Variants in SOX5 observed in about 807,000 individuals in gnomAD.
SOX5 encodes SRY-box transcription factor 5.
In SOX5, 9 loss-of-function variants were observed where a neutral mutation model predicts 92.0. The ratio of observed to expected loss-of-function variants is 0.10; its 90% CI spans 0.06 to 0.17. The LOEUF (loss-of-function observed/expected upper bound fraction) is 0.17, where lower values mean the gene tolerates loss of function less well. SOX5 is among the 10% of genes least tolerant of loss of function. SOX5 has a pLI of 1.00. For missense variants in SOX5, 642 were observed against 944.5 expected (o/e 0.68, Z 4.20); for synonymous variants, 344 against 336.3 (o/e 1.02, Z -0.25).
At chr12:23,695,194 T>G (rs75778613) in intron 6 of SOX5, among the ~76,000 whole-genome samples, 5,352 of 152,134 alleles carry the variant, frequency 0.035, 246 homozygotes, top group African/African-American at 0.1. Context: ...CACTGATCTG[T>G]ACATTTGTCA....
At chr12:23,610,984 C>T (rs2075881676) in intron 8 of SOX5, among the ~76,000 whole-genome samples, 1 of 152,082 alleles carries the variant, frequency 6.6e-6, no homozygotes, top group Non-Finnish European at 1.5e-5. Context: ...TAAATATACA[C>T]AATTTACTTG....
chr12:23,801,996 A>T (rs1010466862), intron 3 of SOX5, among the ~76,000 whole-genome samples: 3 of 152,184 alleles, frequency 2.0e-5, no homozygotes, highest in African/African-American at 7.2e-5. Context: ...AATGCATGCT[A>T]CAATTATAGA....
At chr12:23,849,240 C>T (rs1470995532) in intron 2 of SOX5, among the ~76,000 whole-genome samples, 6 of 152,150 alleles carry the variant, frequency 3.9e-5, no homozygotes. Context: ...ATTATGCTTA[C>T]TTATTGGCCT....
intron 3 of SOX5, among the ~76,000 whole-genome samples, chr12:24,241,783 C>T (rs1282340773): frequency 6.6e-6 from 1 of 152,102 alleles, no homozygotes; most frequent in East Asian, 1.9e-4. Flanking sequence ...TATCGATATT[C>T]TGGATTTCCC....
At chr12:24,485,936 T>C (rs1206641979) in intron 1 of SOX5, among the ~76,000 whole-genome samples, 1 of 152,008 alleles carries the variant, frequency 6.6e-6, no homozygotes, top group Non-Finnish European at 1.5e-5. Context: ...CCAATCCATA[T>C]ACCTTTCTGT....
At chr12:23,616,696 G>A (rs957261062) in intron 8 of SOX5, among the ~76,000 whole-genome samples, 2 of 152,224 alleles carry the variant, frequency 1.3e-5, no homozygotes, top group African/African-American at 4.8e-5. Flanking sequence ...CAGCTGTTAT[G>A]TCAGTGGAGC....
chr12:24,086,195 A>C (rs1224562124), intron 4 of SOX5, among the ~76,000 whole-genome samples: 1 of 149,040 alleles, frequency 6.7e-6, no homozygotes, highest in Non-Finnish European at 1.5e-5. Flanking sequence ...AATGCAGTAC[A>C]TTTTTTTTTT....
intron 4 of SOX5, among the ~76,000 whole-genome samples, chr12:24,108,144 G>A (rs1946895363): frequency 6.6e-6 from 1 of 152,144 alleles, no homozygotes; most frequent in Non-Finnish European, 1.5e-5. Flanking sequence ...TGTGTAAGTT[G>A]CATTACATTA....
chr12:23,939,088 AAAT>A (rs1389198423), intron 1 of SOX5, among the ~76,000 whole-genome samples: 1 of 151,024 alleles, frequency 6.6e-6, no homozygotes, highest in Non-Finnish European at 1.5e-5. Flanking sequence ...ATTGGGGGAT[AAAT>A]AATTTTATAT....
chr12:24,311,471 T>G (rs1360118396), intron 2 of SOX5, among the ~76,000 whole-genome samples: 2 of 152,146 alleles, frequency 1.3e-5, no homozygotes, highest in African/African-American at 2.4e-5. Context: ...ATGTACCAAG[T>G]TTGTTGAACT....
intron 1 of SOX5, among the ~76,000 whole-genome samples, chr12:24,559,938 A>G (rs891846249): frequency 2.0e-5 from 3 of 152,210 alleles, no homozygotes; most frequent in Admixed American, 1.3e-4. Flanking sequence ...TGAATTCTAT[A>G]TACAACATGC....
chr12:24,158,259 T>G (rs1442569189), intron 4 of SOX5, among the ~76,000 whole-genome samples: 1 of 152,088 alleles, frequency 6.6e-6, no homozygotes, highest in Non-Finnish European at 1.5e-5. Flanking sequence ...TAAAAATGTT[T>G]ATTTAATAAA....
chr12:23,584,867 TTTTA>T (rs1950510529), intron 9 of SOX5, among the ~76,000 whole-genome samples: 1 of 152,098 alleles, frequency 6.6e-6, no homozygotes, highest in Non-Finnish European at 1.5e-5. Context: ...CTGTATTTCA[TTTTA>T]TTGTGTTGTT....
intron 4 of SOX5, among the ~76,000 whole-genome samples, chr12:23,979,349 G>C (rs12304222): frequency 0.36 from 54,358 of 151,634 alleles, 9,826 homozygotes; most frequent in South Asian, 0.41. Flanking sequence ...TTAGCCTCCT[G>C]AGTAGTTGGG....
At chr12:23,985,507 G>T (rs552835689) in intron 4 of SOX5, among the ~76,000 whole-genome samples, 11 of 152,140 alleles carry the variant, frequency 7.2e-5, no homozygotes, top group Non-Finnish European at 1.6e-4. Context: ...TAATTAAATT[G>T]CACTGGCCAA....
chr12:24,282,550 G>T lies in SOX5; in HGVS notation c.-173-5238C>A, dbSNP rs542566474. On this transcript the variant is annotated intron_variant, in intron 2 of 4. Coordinates refer to the SOX5 transcript ENST00000446891. ...TAGAAACAAAAAAAAAAAAGGTGTT[G>T]CCCAATTTGAACAGGAAAACAATAG... Among the ~76,000 whole-genome samples the T allele has an allele frequency of 6.7e-5, 10 of 150,282 alleles. No individual in the cohort carries two copies. In the South Asian group the frequency reaches 2.1e-3, roughly 31 times the overall value.
At chr12:23,903,431 A>G (rs1412957872) in intron 1 of SOX5, among the ~76,000 whole-genome samples, 1 of 152,150 alleles carries the variant, frequency 6.6e-6, no homozygotes. Context: ...AAAAAATTTC[A>G]AAATTAGCCG....
chr12:23,587,386 C>A (rs1161102714), intron 9 of SOX5, among the ~76,000 whole-genome samples: 4 of 152,082 alleles, frequency 2.6e-5, no homozygotes, highest in Admixed American at 6.6e-5. Flanking sequence ...CAGACTTGAA[C>A]CCAAGTCATA....
chr12:24,152,078 T>A (rs981287464), intron 4 of SOX5, among the ~76,000 whole-genome samples: 1 of 152,124 alleles, frequency 6.6e-6, no homozygotes, highest in African/African-American at 2.4e-5. Flanking sequence ...ACTGATTTGT[T>A]TTCCAACACA....
Sources: allele counts gnomAD v4.1 joint callset (sites outside exome capture counted in the v4.1 genomes callset), GRCh38; gene constraint gnomAD v4.1.1; transcripts MANE v1.5; gene names NCBI Gene and HGNC (gene_info 2026-07-23, HGNC 2026-07-21).